Variants in PNKD observed in about 807,000 individuals in gnomAD.
The protein encoded by PNKD is probable thioesterase PNKD.
In PNKD, 36 loss-of-function variants were observed where a neutral mutation model predicts 45.3. The observed-to-expected ratio is 0.80, with a 90% CI of 0.61 to 1.05. PNKD has a LOEUF of 1.05. Ranked by LOEUF, PNKD falls within the 50% of genes least tolerant of loss-of-function variation. The pLI, the probability that PNKD is intolerant of heterozygous loss-of-function variation, is 0.00. For missense variants in PNKD, 511 were observed against 506.6 expected (o/e 1.01, Z -0.08); for synonymous variants, 197 against 210.1 (o/e 0.94, Z 0.54).
At chr2:218,309,950 A>G (rs1364819771) in intron 2 of PNKD, among the ~76,000 whole-genome samples, 1 of 151,886 alleles carries the variant, frequency 6.6e-6, no homozygotes, top group African/African-American at 2.4e-5. Flanking sequence ...AAAAAAAGAA[A>G]AGAAAACCCA....
At chr2:218,314,486 G>C (rs192097560) in intron 2 of PNKD, among the ~76,000 whole-genome samples, 1 of 151,812 alleles carries the variant, frequency 6.6e-6, no homozygotes, top group Non-Finnish European at 1.5e-5. Context: ...GCCTCCCAAA[G>C]TGCTGGGATT....
intron 2 of PNKD, among the ~76,000 whole-genome samples, chr2:218,302,361 A>G (rs996557281): frequency 6.6e-6 from 1 of 152,178 alleles, no homozygotes; most frequent in Non-Finnish European, 1.5e-5. Flanking sequence ...AAACAAAAAC[A>G]AAAGAGTGGC....
chr2:218,323,314 G>A, intron 2 of PNKD: 8 of 1,563,934 alleles, frequency 5.1e-6, no homozygotes, highest in African/African-American at 1.4e-5. Flanking sequence ...GTCGCCGGCT[G>A]CTGGCTCCTC....
At chr2:218,285,351 C>T (rs1692419729) in intron 2 of PNKD, among the ~76,000 whole-genome samples, 1 of 152,170 alleles carries the variant, frequency 6.6e-6, no homozygotes, top group Non-Finnish European at 1.5e-5. Flanking sequence ...TAATCCCTAA[C>T]CTGAAAACAC....
At chr2:218,278,367 C>A in intron 2 of PNKD, 1 of 812,604 alleles carries the variant, frequency 1.2e-6, no homozygotes, top group South Asian at 1.6e-5. Context: ...TTTGTATACA[C>A]CTGAACAGTA....
intron 2 of PNKD, among the ~76,000 whole-genome samples, chr2:218,331,747 C>A (rs1164112797): frequency 1.3e-5 from 2 of 152,094 alleles, no homozygotes; most frequent in Non-Finnish European, 2.9e-5. Context: ...GGATTACAGG[C>A]GTGAGCCACC....
At chr2:218,280,666 T>G (rs2106206356) in intron 2 of PNKD, 2 of 156,480 alleles carry the variant, frequency 1.3e-5, no homozygotes, top group Middle Eastern at 3.4e-3. Context: ...CTGACACCCC[T>G]CTGGGGTTCA....
chr2:218,295,661 C>T (rs1228462550), intron 2 of PNKD, among the ~76,000 whole-genome samples: 1 of 151,666 alleles, frequency 6.6e-6, no homozygotes, highest in East Asian at 1.9e-4. Context: ...ATAGGGCTGG[C>T]CAAGGAGGCA....
At chr2:218,298,823 T>C (rs1693204756) in intron 2 of PNKD, among the ~76,000 whole-genome samples, 1 of 152,166 alleles carries the variant, frequency 6.6e-6, no homozygotes, top group South Asian at 2.1e-4. Flanking sequence ...ATTCTCCCAC[T>C]CTCTTGCCCC....
chr2:218,301,668 TC>T (rs1375813710), intron 2 of PNKD, among the ~76,000 whole-genome samples: 3 of 152,196 alleles, frequency 2.0e-5, no homozygotes, highest in Non-Finnish European at 4.4e-5. Flanking sequence ...GTGCCTGTAG[TC>T]CCAGCTACTT....
At chr2:218,276,085 G>A (rs947191311) in intron 2 of PNKD, 1 of 1,612,694 alleles carries the variant, frequency 6.2e-7, no homozygotes. Flanking sequence ...TAAACCTGGA[G>A]AAGAAGGGGA....
At chr2:218,271,588 G>A in intron 2 of PNKD, 39 bp downstream of exon 2, 1 of 1,569,050 alleles carries the variant, frequency 6.4e-7, no homozygotes, top group Non-Finnish European at 8.8e-7. Flanking sequence ...AACGGGGCGT[G>A]GCTTGTAGGG....
intron 2 of PNKD, chr2:218,284,344 G>A (rs746613250): frequency 2.6e-5 from 4 of 152,408 alleles, no homozygotes; most frequent in Non-Finnish European, 4.4e-5. Context: ...CTGGGAACTC[G>A]GCTCTGCAGG....
intron 1 of PNKD, 181 bp downstream of exon 1, chr2:218,270,783 G>A (rs573966353): frequency 5.4e-4 from 223 of 410,150 alleles, no homozygotes; most frequent in Non-Finnish European, 8.1e-4. Context: ...CCCGCCTTCG[G>A]GTTGCTCGAC....
At chr2:218,291,436 C>T (rs1418831222) in intron 2 of PNKD, among the ~76,000 whole-genome samples, 1 of 152,316 alleles carries the variant, frequency 6.6e-6, no homozygotes, top group African/African-American at 2.4e-5. Context: ...AACCAAAGCT[C>T]ACTAATGAGA....
intron 2 of PNKD, among the ~76,000 whole-genome samples, chr2:218,339,440 G>A (rs1694602773): frequency 6.6e-6 from 1 of 152,002 alleles, no homozygotes; most frequent in African/African-American, 2.4e-5. Flanking sequence ...TAGTCAGGCT[G>A]GTCTCGAACT....
chr2:218,313,065 AT>A (rs1367111345), intron 2 of PNKD, among the ~76,000 whole-genome samples: 1 of 151,978 alleles, frequency 6.6e-6, no homozygotes, highest in African/African-American at 2.4e-5. Flanking sequence ...CTTGATAAAA[AT>A]GTTCACATAT....
chr2:218,279,320 T>G, intron 2 of PNKD: 1 of 1,588,718 alleles, frequency 6.3e-7, no homozygotes, highest in South Asian at 1.1e-5. Flanking sequence ...ATGGCCACAG[T>G]GATGAGCAGC....
Position 218,273,732 on chromosome 2 carries a change from T to C in PNKD, c.236+2183T>C, listed in dbSNP as rs139265984. On this transcript the variant is annotated intron_variant, in intron 2 of 9. Transcript: ENST00000273077. ...GTCTCAAACTCCTGACCTCAGGTGA[T>C]TCCCCCCCACCGCCCTCGGCCTCCC... 3.3e-3 allele frequency among the ~76,000 whole-genome samples: 503 copies of C among 151,604 alleles called. 4 individuals carry two copies. Among genetic ancestry groups the C allele is most frequent in the African/African-American group, 0.011 (441 of 41,278 alleles).
Sources: allele counts gnomAD v4.1 joint callset (sites outside exome capture counted in the v4.1 genomes callset), GRCh38; gene constraint gnomAD v4.1.1; transcripts MANE v1.5; gene names NCBI Gene and HGNC (gene_info 2026-07-23, HGNC 2026-07-21).